Variants in CHRNB4 observed in about 807,000 individuals in gnomAD.
The protein encoded by CHRNB4 is neuronal acetylcholine receptor subunit beta-4.
CHRNB4 carries 23 observed loss-of-function variants against 40.4 expected under a neutral mutation model. The observed-to-expected ratio is 0.57, with a 90% CI of 0.41 to 0.81. CHRNB4 has a LOEUF of 0.81. Among genes scored for constraint, CHRNB4 ranks in the 30% least tolerant of loss-of-function variants. The probability of loss-of-function intolerance (pLI) is 0.00; values close to 1 mark genes in which losing one functional copy is unlikely to be tolerated. For missense variants in CHRNB4, 568 were observed against 670.6 expected (o/e 0.85, Z 1.69); for synonymous variants, 285 against 274.4 (o/e 1.04, Z -0.38).
At chr15:78,656,039 A>G (rs1183666076) in intron 4 of CHRNB4, among the ~76,000 whole-genome samples, 1 of 152,204 alleles carries the variant, frequency 6.6e-6, no homozygotes, top group Non-Finnish European at 1.5e-5. Context: ...ACATACAGTT[A>G]GAAGGAATAA....
chr15:78,646,269 A>G (rs979576906), intron 7 of CHRNB4, among the ~76,000 whole-genome samples: 1 of 152,124 alleles, frequency 6.6e-6, no homozygotes, highest in African/African-American at 2.4e-5. Flanking sequence ...ATCATTGGGG[A>G]AAGGATGGAT....
intron 7 of CHRNB4, among the ~76,000 whole-genome samples, chr15:78,647,866 A>G (rs2054139133): frequency 6.9e-6 from 1 of 144,838 alleles, no homozygotes; most frequent in African/African-American, 2.7e-5. Flanking sequence ...CATCTCAAAA[A>G]AAAAAAAAAA....
At chr15:78,650,383 A>G (rs1433329426) in intron 6 of CHRNB4, among the ~76,000 whole-genome samples, 2 of 152,220 alleles carry the variant, frequency 1.3e-5, no homozygotes, top group Non-Finnish European at 2.9e-5. Context: ...CATGGTGTCC[A>G]AGGATTCATC....
At chr15:78,646,599 G>T (rs935471570) in intron 7 of CHRNB4, among the ~76,000 whole-genome samples, 1 of 152,148 alleles carries the variant, frequency 6.6e-6, no homozygotes, top group African/African-American at 2.4e-5. Context: ...CCACCTCCTG[G>T]TTCACAGAGG....
intron 2 of CHRNB4, 81 bp downstream of exon 2, chr15:78,635,358 C>A: frequency 6.5e-7 from 1 of 1,548,854 alleles, no homozygotes; most frequent in Non-Finnish European, 8.7e-7. Flanking sequence ...AGTTTCATTC[C>A]TTTGACCAAT....
At chr15:78,637,583 T>C (rs2053979829) in intron 1 of CHRNB4, among the ~76,000 whole-genome samples, 2 of 151,918 alleles carry the variant, frequency 1.3e-5, no homozygotes, top group African/African-American at 4.8e-5. Flanking sequence ...CCAGTTCACC[T>C]AGTTGCACCA....
intron 1 of CHRNB4, among the ~76,000 whole-genome samples, chr15:78,640,720 G>A (rs1435667096): frequency 6.6e-6 from 1 of 152,246 alleles, no homozygotes; most frequent in Non-Finnish European, 1.5e-5. Flanking sequence ...TTGGGAGCGG[G>A]AGTCGGTATA....
upstream of CHRNB4, among the ~76,000 whole-genome samples, chr15:78,643,372 T>C (rs1178390849): frequency 6.6e-6 from 1 of 152,094 alleles, no homozygotes; most frequent in Non-Finnish European, 1.5e-5. Flanking sequence ...ATCTCAGCCT[T>C]CCAAAGTGCT....
At chr15:78,635,754 A>T (rs1463524911) in intron 1 of CHRNB4, among the ~76,000 whole-genome samples, 167 bp from the exon 2 acceptor site, 1 of 151,746 alleles carries the variant, frequency 6.6e-6, no homozygotes, top group Non-Finnish European at 1.5e-5. Context: ...AATTAAATAC[A>T]CTCAACACAG....
At chr15:78,661,635 C>T (rs1000431036), upstream of CHRNB4, 5 of 456,102 alleles carry the variant, frequency 1.1e-5, no homozygotes, top group Admixed American at 2.6e-5. Flanking sequence ...CGGCCAGTTC[C>T]GGAAAGCCAG....
At chr15:78,643,029 G>A (rs1486061607), upstream of CHRNB4, among the ~76,000 whole-genome samples, 2 of 152,052 alleles carry the variant, frequency 1.3e-5, no homozygotes, top group African/African-American at 4.8e-5. Context: ...AAGCCTTTTA[G>A]GATAAAATGA....
chr15:78,658,028 CTTTTTT>C (rs71448810), intron 2 of CHRNB4, among the ~76,000 whole-genome samples: 932 of 90,560 alleles, frequency 0.01, 19 homozygotes, highest in African/African-American at 0.037. Flanking sequence ...TCTTGTTTCT[CTTTTTT>C]TTTTTTTTTT....
At chr15:78,630,860 G>C in intron 4 of CHRNB4, 1 of 558,052 alleles carries the variant, frequency 1.8e-6, no homozygotes, top group African/African-American at 1.9e-5. Flanking sequence ...CAGTGAATCA[G>C]ACAAGGTCCC....
At position 78,625,124 on chromosome 15, in the gene CHRNB4, A is replaced by AG; in HGVS notation, c.*8dup. 2 of 1,613,996 alleles carry AG rather than the reference A, an allele frequency of 1.2e-6. No individual in the cohort carries two copies. The highest frequency in any genetic ancestry group is 1.7e-6 in the Non-Finnish European group (2 of 1,180,002). On this transcript the variant is annotated 3_prime_UTR_variant, in exon 6 of 6. Coordinates refer to ENST00000261751, the MANE Select transcript of CHRNB4 (RefSeq NM_000750.5). ...CTCACATCCTCTCACCCCACAACCC[A>AG]GGGGGCCCTCAGTCACGCTGGGCAG...
intron 5 of CHRNB4, among the ~76,000 whole-genome samples, chr15:78,654,183 T>C (rs1226396411): frequency 1.3e-5 from 2 of 152,286 alleles, no homozygotes; most frequent in South Asian, 4.2e-4. Context: ...AGAAGCCTAA[T>C]GCTCTGTACC....
Position 78,638,223 on chromosome 15 carries a change from G to A in CHRNB4, c.56-2636C>T, listed in dbSNP as rs186027878. ...GCTGTGGGGCTCATGCTCCAGCTCC[G>A]AGCCCACCTGATGTGCCCGGGTGGC... On this transcript the variant is annotated intron_variant, in intron 1 of 5. Transcript: ENST00000261751. 1.5e-3 allele frequency among the ~76,000 whole-genome samples: 222 copies of A among 152,300 alleles called. 1 individual carries two copies. Among genetic ancestry groups the A allele is most frequent in the African/African-American group, 5.2e-3 (216 of 41,574 alleles).
upstream of CHRNB4, chr15:78,641,384 C>T: frequency 4.4e-6 from 2 of 451,228 alleles, no homozygotes; most frequent in Non-Finnish European, 7.7e-6. Context: ...TCTCTTCGGG[C>T]CTCGCAACCT....
chr15:78,634,815 A>C, intron 2 of CHRNB4: 1 of 455,636 alleles, frequency 2.2e-6, no homozygotes, highest in Non-Finnish European at 4.4e-6. Flanking sequence ...GGCAGCAAAG[A>C]GAAGAGAAAT....
At chr15:78,642,911 A>G (rs1332139288), upstream of CHRNB4, among the ~76,000 whole-genome samples, 1 of 152,148 alleles carries the variant, frequency 6.6e-6, no homozygotes, top group Non-Finnish European at 1.5e-5. Context: ...AGGCATCCGG[A>G]TTTGTATTCT....
Sources: allele counts gnomAD v4.1 joint callset (sites outside exome capture counted in the v4.1 genomes callset), GRCh38; gene constraint gnomAD v4.1.1; transcripts MANE v1.5; gene names NCBI Gene and HGNC (gene_info 2026-07-23, HGNC 2026-07-21).